The following CNOT6L variants were observed in gnomAD, a reference collection of about 807,000 sequenced individuals.
CNOT6L encodes the protein CCR4-NOT transcription complex subunit 6 like.
A neutral mutation model predicts 64.0 loss-of-function variants in CNOT6L; 7 were observed. The ratio of observed to expected loss-of-function variants is 0.11; its 90% CI spans 0.06 to 0.21. The LOEUF is 0.21. Among genes scored for constraint, CNOT6L ranks in the 10% least tolerant of loss-of-function variants. The pLI is 1.00. For missense variants in CNOT6L, 245 were observed against 669.0 expected, an observed-to-expected ratio of 0.37 and a Z score of 6.99; for synonymous variants, 193 against 243.4, an observed-to-expected ratio of 0.79 and a Z score of 1.93.
At chr4:77,789,133 C>T (rs1449992384) in intron 1 of CNOT6L, among the ~76,000 whole-genome samples, 1 of 152,096 alleles carries the variant, frequency 6.6e-6, no homozygotes, top group African/African-American at 2.4e-5. Context: ...ATAAGGTAAA[C>T]ACAGAATGAT....
At chr4:77,732,917 A>G (rs1304708269) in intron 8 of CNOT6L, among the ~76,000 whole-genome samples, 1 of 152,088 alleles carries the variant, frequency 6.6e-6, no homozygotes, top group Non-Finnish European at 1.5e-5. Flanking sequence ...GCTCAATTAA[A>G]GAACTGATAA....
intron 6 of CNOT6L, 94 bp from the exon 7 acceptor site, chr4:77,744,969 C>T (rs1032284114): frequency 1.2e-6 from 1 of 839,174 alleles, no homozygotes; most frequent in African/African-American, 1.7e-5. Context: ...CAAGCACACA[C>T]ACATACGCCA....
intron 5 of CNOT6L, among the ~76,000 whole-genome samples, 177 bp from the exon 6 acceptor site, chr4:77,748,561 T>C (rs1017889408): frequency 6.6e-6 from 1 of 152,180 alleles, no homozygotes; most frequent in Non-Finnish European, 1.5e-5. Flanking sequence ...AGAAAAGCTA[T>C]GCAGAGAACA....
At chr4:77,813,668 T>C (rs76686065) in intron 1 of CNOT6L, among the ~76,000 whole-genome samples, 87 of 152,222 alleles carry the variant, frequency 5.7e-4, no homozygotes, top group African/African-American at 2.0e-3. Flanking sequence ...AAAGCATCAT[T>C]AGCCATCAGG....
At chr4:77,816,492 C>T (rs939440242) in intron 1 of CNOT6L, among the ~76,000 whole-genome samples, 5 of 152,028 alleles carry the variant, frequency 3.3e-5, no homozygotes, top group Non-Finnish European at 5.9e-5. Flanking sequence ...TTAAGAAAAT[C>T]ACAATTTGCA....
intron 11 of CNOT6L, 66 bp downstream of exon 11, chr4:77,726,101 A>C (rs1184142423): frequency 7.4e-7 from 1 of 1,356,806 alleles, no homozygotes; most frequent in South Asian, 1.2e-5. Flanking sequence ...TAAAGAATTT[A>C]CACCTTTTTT....
intron 1 of CNOT6L, among the ~76,000 whole-genome samples, chr4:77,803,589 G>T (rs1731856726): frequency 6.6e-6 from 1 of 152,126 alleles, no homozygotes. Context: ...CAATAAAATG[G>T]ATTACAATGA....
chr4:77,775,412 T>C (rs960743058), intron 2 of CNOT6L, among the ~76,000 whole-genome samples: 3 of 152,336 alleles, frequency 2.0e-5, no homozygotes, highest in East Asian at 1.9e-4. Context: ...TTATATTCTA[T>C]TTTTAATAAC....
rs1727955019 is a variant in CNOT6L at position 77,774,600 on chromosome 4, C to T, written c.244G>A (p.Val82Ile). Residue 82 changes from valine (V) to isoleucine (I), a missense_variant, in exon 3 of 12, where the codon GTT (valine) becomes ATT (isoleucine). By Grantham distance (29) the Val-to-Ile change is conservative (BLOSUM62 3). Transcript: ENST00000504123. ...TTATTGGATGACAGATCCAGGTAAA[C>T]CAGATTATGAAGCTTGGCAATATCA... is the stretch of plus-strand genomic sequence containing the variant. ...PPDIAKLHNL[V>I]YLDLSSNKLR... 6.2e-7 allele frequency: 1 copy of T among 1,613,650 alleles called. No individual in the cohort carries two copies. The highest frequency in any genetic ancestry group is 8.5e-7 in the Non-Finnish European group (1 of 1,179,714).
Position 77,742,263 on chromosome 4 carries a change from A to G in CNOT6L, c.750T>C (p.Phe250=), listed in dbSNP as rs1287689907. The G allele has an allele frequency of 8.1e-6, 13 of 1,612,380 alleles. No individual in the cohort carries two copies. Among genetic ancestry groups the G allele is most frequent in the South Asian group, 1.1e-5 (1 of 90,772 alleles). ...EVETEQYFTL[F]LPALKERGYD... ...ATCCACGCTCCTTCAATGCTGGCAG[A>G]AAGAGAGTGAAGTATTGCTCTGTTT... Residue 250 remains phenylalanine, a synonymous_variant, in exon 8 of 12, where the codon TTT becomes TTC. Coordinates refer to ENST00000504123, the MANE Select transcript of CNOT6L (RefSeq NM_144571.3).
At chr4:77,762,754 A>G (rs968751911) in intron 4 of CNOT6L, among the ~76,000 whole-genome samples, 2 of 152,180 alleles carry the variant, frequency 1.3e-5, no homozygotes, top group African/African-American at 2.4e-5. Context: ...ATGTTCCAAT[A>G]TATGACATTC....
At chr4:77,771,771 A>G (rs1453954939) in intron 4 of CNOT6L, among the ~76,000 whole-genome samples, 1 of 152,244 alleles carries the variant, frequency 6.6e-6, no homozygotes, top group African/African-American at 2.4e-5. Flanking sequence ...GATCCATTAT[A>G]TAACAAAAGC....
intron 1 of CNOT6L, among the ~76,000 whole-genome samples, chr4:77,776,706 G>A (rs555047480): frequency 4.6e-5 from 7 of 152,154 alleles, no homozygotes; most frequent in Non-Finnish European, 8.8e-5. Flanking sequence ...CAGCAGTTTC[G>A]TGAATGGACT....
intron 8 of CNOT6L, 179 bp from the exon 9 acceptor site, chr4:77,731,717 C>A (rs1015909009): frequency 1.0e-5 from 5 of 480,128 alleles, no homozygotes; most frequent in Non-Finnish European, 1.1e-5. Context: ...TTCTCAGAGG[C>A]CCCACCTAAC....
chr4:77,729,995 G>A (rs1259108459), intron 9 of CNOT6L, among the ~76,000 whole-genome samples: 1 of 152,012 alleles, frequency 6.6e-6, no homozygotes, highest in Non-Finnish European at 1.5e-5. Flanking sequence ...AATGACATGA[G>A]GGATCTCTCA....
chr4:77,748,935 T>C (rs1009084299), intron 5 of CNOT6L, among the ~76,000 whole-genome samples: 3 of 152,196 alleles, frequency 2.0e-5, no homozygotes, highest in Non-Finnish European at 4.4e-5. Context: ...AGACATTAAT[T>C]GCTCAGATAT....
At chr4:77,819,417 C>A (rs940935752), upstream of CNOT6L, 23 of 1,599,470 alleles carry the variant, frequency 1.4e-5, no homozygotes, top group Non-Finnish European at 1.7e-5. Flanking sequence ...TGCTTCCCCT[C>A]CAGAGCCGCG....
chr4:77,802,241 G>C (rs923215940), intron 1 of CNOT6L, among the ~76,000 whole-genome samples: 1 of 152,102 alleles, frequency 6.6e-6, no homozygotes, highest in African/African-American at 2.4e-5. Flanking sequence ...TAAATATACT[G>C]TATGTCAGCA....
At chr4:77,724,047 C>T (rs907993159) in intron 11 of CNOT6L, among the ~76,000 whole-genome samples, 1 of 151,596 alleles carries the variant, frequency 6.6e-6, no homozygotes, top group Non-Finnish European at 1.5e-5. Flanking sequence ...ATTGCTTGAG[C>T]CCAGGAGTTC....
Sources: allele counts gnomAD v4.1 joint callset (sites outside exome capture counted in the v4.1 genomes callset), GRCh38; gene constraint gnomAD v4.1.1; transcripts MANE v1.5; gene names NCBI Gene and HGNC (gene_info 2026-07-23, HGNC 2026-07-21).